Variants in ATF7 observed in about 807,000 individuals in gnomAD.
ATF7 encodes activating transcription factor 7, also known as cyclic AMP-dependent transcription factor ATF-7.
In ATF7, 10 loss-of-function variants were observed where a neutral mutation model predicts 50.4. The observed-to-expected ratio is 0.20, with a 90% confidence interval of 0.12 to 0.34. ATF7 has a LOEUF of 0.34. ATF7 is among the 10% of genes least tolerant of loss of function. The pLI, the probability that ATF7 is intolerant of heterozygous loss-of-function variation, is 1.00. For synonymous variants in ATF7, 201 were observed against 226.4 expected (o/e 0.89, Z 1.01); for missense variants, 465 against 613.9 (o/e 0.76, Z 2.56).
At chr12:53,529,497 G>C (rs1938713578) in intron 9 of ATF7, among the ~76,000 whole-genome samples, 1 of 151,482 alleles carries the variant, frequency 6.6e-6, no homozygotes, top group Non-Finnish European at 1.5e-5. Flanking sequence ...CACCACGCCT[G>C]GCTAATTTTT....
At chr12:53,555,221 G>GGGCTGA (rs1940649921) in intron 2 of ATF7, among the ~76,000 whole-genome samples, 1 of 151,574 alleles carries the variant, frequency 6.6e-6, no homozygotes, top group Non-Finnish European at 1.5e-5. Context: ...CGGGGGGCTG[G>GGGCTGA]GGCTGAGGCA....
chr12:53,550,366 A>ATAAT (rs1337087075), intron 3 of ATF7, among the ~76,000 whole-genome samples: 2 of 145,586 alleles, frequency 1.4e-5, no homozygotes, highest in Non-Finnish European at 1.5e-5. Context: ...AAATAAATAA[A>ATAAT]TAATAAATAT....
At chr12:53,574,370 T>A (rs577858301) in intron 2 of ATF7, among the ~76,000 whole-genome samples, 1 of 152,300 alleles carries the variant, frequency 6.6e-6, no homozygotes, top group African/African-American at 2.4e-5. Context: ...TCCGTATCCT[T>A]CATAATATCC....
At chr12:53,539,673 A>G (rs556550490) in intron 4 of ATF7, among the ~76,000 whole-genome samples, 1 of 151,828 alleles carries the variant, frequency 6.6e-6, no homozygotes, top group East Asian at 1.9e-4. Flanking sequence ...TGGGAGACAG[A>G]GCAAGATCCT....
chr12:53,544,342 T>C (rs377160224), intron 3 of ATF7, among the ~76,000 whole-genome samples: 116 of 152,328 alleles, frequency 7.6e-4, no homozygotes, highest in African/African-American at 2.6e-3. Context: ...ATGGGTTTCA[T>C]TGGCATGCTA....
intron 2 of ATF7, among the ~76,000 whole-genome samples, chr12:53,569,834 A>T (rs1941650666): frequency 6.6e-6 from 1 of 152,096 alleles, no homozygotes; most frequent in Admixed American, 6.6e-5. Context: ...ATGTGCCACC[A>T]TGCCCGGCTA....
At chr12:53,558,301 G>T (rs1940872805) in intron 2 of ATF7, among the ~76,000 whole-genome samples, 1 of 152,204 alleles carries the variant, frequency 6.6e-6, no homozygotes, top group Non-Finnish European at 1.5e-5. Flanking sequence ...ATTGTATGGT[G>T]CACAGGACAG....
At chr12:53,582,779 A>C (rs1017962347) in intron 2 of ATF7, among the ~76,000 whole-genome samples, 1 of 151,828 alleles carries the variant, frequency 6.6e-6, no homozygotes, top group African/African-American at 2.4e-5. Flanking sequence ...TAGAGACGGG[A>C]TTTCACCATG....
At chr12:53,549,697 A>C (rs1329917735) in intron 3 of ATF7, among the ~76,000 whole-genome samples, 1 of 152,108 alleles carries the variant, frequency 6.6e-6, no homozygotes, top group Non-Finnish European at 1.5e-5. Context: ...CTCCTGCCTC[A>C]GCCTCAGCCT....
intron 9 of ATF7, among the ~76,000 whole-genome samples, chr12:53,526,804 T>C (rs1476016205): frequency 1.3e-5 from 2 of 151,982 alleles, no homozygotes; most frequent in African/African-American, 4.8e-5. Context: ...TGAGCTGAGA[T>C]TGCACCACTC....
intron 1 of ATF7, among the ~76,000 whole-genome samples, chr12:53,615,370 C>T (rs192902385): frequency 2.5e-4 from 38 of 151,656 alleles, no homozygotes; most frequent in African/African-American, 9.2e-4. Flanking sequence ...GGTGACAGAG[C>T]GAGACTCTGT....
intron 2 of ATF7, among the ~76,000 whole-genome samples, chr12:53,591,788 A>G (rs1942947252): frequency 6.6e-6 from 1 of 152,208 alleles, no homozygotes; most frequent in South Asian, 2.1e-4. Flanking sequence ...CATGTCTTTG[A>G]TAAGCAGCGG....
At chr12:53,508,786 T>G (rs561210002), downstream of ATF7, among the ~76,000 whole-genome samples, 5 of 152,222 alleles carry the variant, frequency 3.3e-5, no homozygotes, top group African/African-American at 1.2e-4. Context: ...TTTCCTAGAA[T>G]AGACCTCTGC....
chr12:53,527,404 C>A (rs1240068844), intron 9 of ATF7, among the ~76,000 whole-genome samples: 1 of 151,062 alleles, frequency 6.6e-6, no homozygotes, highest in African/African-American at 2.4e-5. Context: ...ATCATTTGAG[C>A]CCAGAAGGTT....
At chr12:53,609,608 G>C (rs571718893) in intron 1 of ATF7, among the ~76,000 whole-genome samples, 1 of 150,344 alleles carries the variant, frequency 6.7e-6, no homozygotes, top group South Asian at 2.1e-4. Flanking sequence ...ATCACACCAC[G>C]GCACTCCAGC....
chr12:53,562,303 C>T (rs1185259313), intron 2 of ATF7, among the ~76,000 whole-genome samples: 4 of 152,178 alleles, frequency 2.6e-5, no homozygotes, highest in Admixed American at 6.5e-5. Flanking sequence ...CCAACTAGCA[C>T]GTCTCACTAA....
intron 9 of ATF7, among the ~76,000 whole-genome samples, chr12:53,527,217 C>T (rs1315553213): frequency 6.6e-6 from 1 of 151,800 alleles, no homozygotes; most frequent in Non-Finnish European, 1.5e-5. Flanking sequence ...GGCGCAGTGG[C>T]TTATGCCTGT....
intron 2 of ATF7, among the ~76,000 whole-genome samples, chr12:53,586,815 A>C (rs1036468564): frequency 1.3e-5 from 2 of 152,168 alleles, no homozygotes; most frequent in Non-Finnish European, 2.9e-5. Flanking sequence ...ACACACGCAC[A>C]CACGTGCACG....
intron 1 of ATF7, among the ~76,000 whole-genome samples, chr12:53,612,732 A>G (rs1206575627): frequency 6.6e-6 from 1 of 152,180 alleles, no homozygotes; most frequent in East Asian, 1.9e-4. Flanking sequence ...GGCTGGGCGC[A>G]GTAGCTCTCG....
Sources: gnomAD v4.1 joint callset for allele counts (sites outside exome capture counted in the v4.1 genomes callset) on GRCh38, gnomAD v4.1.1 for gene constraint, MANE v1.5 for transcripts, NCBI Gene and HGNC (gene_info 2026-07-23, HGNC 2026-07-21) for gene names.